MACROD2: variants seen among roughly 807,000 people sequenced by gnomAD.
MACROD2 encodes the protein ADP-ribose glycohydrolase MACROD2.
A neutral mutation model predicts 70.4 loss-of-function variants in MACROD2; 36 were observed. The observed-to-expected ratio is 0.51, with a 90% CI of 0.39 to 0.68. The LOEUF is 0.68. Ranked by LOEUF, MACROD2 falls within the 30% of genes least tolerant of loss-of-function variation. The probability of loss-of-function intolerance (pLI) is 0.00; values close to 1 mark genes in which losing one functional copy is unlikely to be tolerated. For missense variants in MACROD2, 496 were observed against 538.4 expected, an observed-to-expected ratio of 0.92 and a Z score of 0.78; for synonymous variants, 172 against 178.8, an observed-to-expected ratio of 0.96 and a Z score of 0.30.
At chr20:16,042,581 T>C (rs1266493037) in intron 16 of MACROD2, among the ~76,000 whole-genome samples, 1 of 152,060 alleles carries the variant, frequency 6.6e-6, no homozygotes, top group African/African-American at 2.4e-5. Context: ...ATGCTTTTTA[T>C]TGTACCATTT....
chr20:15,827,414 T>TAG (rs2064008937), intron 8 of MACROD2, among the ~76,000 whole-genome samples: 4 of 152,320 alleles, frequency 2.6e-5, no homozygotes, highest in African/African-American at 4.8e-5. Flanking sequence ...TGTACAAGTC[T>TAG]ACTCTTCATA....
chr20:14,240,017 T>C (rs1455819410), intron 3 of MACROD2, among the ~76,000 whole-genome samples: 1 of 152,120 alleles, frequency 6.6e-6, no homozygotes, highest in African/African-American at 2.4e-5. Flanking sequence ...CATGAAAAAG[T>C]GGGCAATGGA....
At chr20:15,128,581 T>A (rs2076083149) in intron 5 of MACROD2, among the ~76,000 whole-genome samples, 1 of 152,078 alleles carries the variant, frequency 6.6e-6, no homozygotes, top group Non-Finnish European at 1.5e-5. Context: ...TGATACAATT[T>A]TCCCCTAAAG....
chr20:14,498,194 G>GGGTGATA (rs1242918893), intron 4 of MACROD2, among the ~76,000 whole-genome samples: 7 of 151,622 alleles, frequency 4.6e-5, no homozygotes, highest in African/African-American at 1.7e-4. Flanking sequence ...ATTATAACCT[G>GGGTGATA]GGTGATAGGT....
chr20:14,120,250 G>A (rs1053644414), intron 3 of MACROD2, among the ~76,000 whole-genome samples: 4 of 144,810 alleles, frequency 2.8e-5, no homozygotes, highest in African/African-American at 1.0e-4. Context: ...AGACATTTAT[G>A]TGGCCAAAAA....
chr20:15,092,207 A>C, intron 5 of MACROD2, among the ~76,000 whole-genome samples: 1 of 152,042 alleles, frequency 6.6e-6, no homozygotes, highest in East Asian at 1.9e-4. Flanking sequence ...AATAGATATA[A>C]ATTAAAACTT....
intron 5 of MACROD2, among the ~76,000 whole-genome samples, chr20:14,875,604 C>G (rs1451002246): frequency 6.6e-6 from 1 of 151,976 alleles, no homozygotes; most frequent in Non-Finnish European, 1.5e-5. Flanking sequence ...GAGCTTAGTA[C>G]CCAATAGGTA....
At chr20:15,588,296 G>A (rs1372592558) in intron 8 of MACROD2, among the ~76,000 whole-genome samples, 1 of 152,190 alleles carries the variant, frequency 6.6e-6, no homozygotes, top group Non-Finnish European at 1.5e-5. Context: ...ACAGAATGGG[G>A]ATCCTGGGCC....
At chr20:14,946,158 C>T (rs2122719822) in intron 5 of MACROD2, among the ~76,000 whole-genome samples, 1 of 151,442 alleles carries the variant, frequency 6.6e-6, no homozygotes, top group Non-Finnish European at 1.5e-5. Context: ...AAGATTGTGC[C>T]ATTGCACTCC....
At chr20:14,193,369 G>T (rs2081403603) in intron 3 of MACROD2, among the ~76,000 whole-genome samples, 1 of 152,162 alleles carries the variant, frequency 6.6e-6, no homozygotes, top group East Asian at 1.9e-4. Context: ...ATGGGATGTG[G>T]ATTTGGGCCC....
At chr20:15,815,703 A>G (rs1022985330) in intron 8 of MACROD2, among the ~76,000 whole-genome samples, 2 of 152,196 alleles carry the variant, frequency 1.3e-5, no homozygotes, top group Non-Finnish European at 2.9e-5. Flanking sequence ...TGGAAAAATT[A>G]TCTCCTCAAT....
At chr20:14,555,753 G>T (rs1978988290) in intron 4 of MACROD2, among the ~76,000 whole-genome samples, 1 of 152,050 alleles carries the variant, frequency 6.6e-6, no homozygotes, top group Non-Finnish European at 1.5e-5. Flanking sequence ...GGGGGACGTT[G>T]TGCTCTAGCT....
intron 6 of MACROD2, among the ~76,000 whole-genome samples, chr20:15,312,323 AT>A (rs530300070): frequency 5.8e-4 from 89 of 152,316 alleles, no homozygotes; most frequent in Non-Finnish European, 1.2e-3. Flanking sequence ...TTTGGCTTTG[AT>A]TTTTAAAGTC....
rs186433812 is a variant in MACROD2 at position 14,759,456 on chromosome 20, G to A, written c.418+74497G>A. 2.0e-5 allele frequency among the ~76,000 whole-genome samples: 3 copies of A among 152,070 alleles called. No individual in the cohort carries two copies. The East Asian group carries it at 5.8e-4, about 29-fold the overall frequency. ...TATGCTTTATCTTCATATTCAAAGA[G>A]TTTTCAACATACAAAGAGATTCTAT... On this transcript the variant is annotated intron_variant, in intron 5 of 17. Coordinates refer to ENST00000684519, the MANE Select transcript of MACROD2 (RefSeq NM_001351661.2).
At position 15,567,993 on chromosome 20, in the gene MACROD2, T is replaced by A. The variant is rs146205994; in HGVS notation, c.645+68146T>A. 1.7e-3 allele frequency among the ~76,000 whole-genome samples: 266 copies of A among 152,312 alleles called. 1 individual carries two copies. Among genetic ancestry groups the A allele is most frequent in the Non-Finnish European group, 2.0e-3 (136 of 68,034 alleles). ...GCTAAATACGTCTGTGGGTCATCAG[T>A]TTGTGAATTCTGAAGGAGAATCCAA... is the stretch of plus-strand genomic sequence containing the variant. On this transcript the variant is annotated intron_variant, in intron 8 of 17. Transcript: ENST00000684519.
intron 3 of MACROD2, among the ~76,000 whole-genome samples, chr20:14,476,191 T>C (rs1051275777): frequency 1.3e-5 from 2 of 152,180 alleles, no homozygotes; most frequent in African/African-American, 4.8e-5. Flanking sequence ...TTTATTAGAA[T>C]TAAACTGTAG....
intron 13 of MACROD2, among the ~76,000 whole-genome samples, chr20:15,978,318 A>G (rs2147443661): frequency 6.6e-6 from 1 of 152,318 alleles, no homozygotes; most frequent in South Asian, 2.1e-4. Context: ...TCTAGGCACT[A>G]CAGCAAGGTC....
chr20:14,614,286 G>A (rs375138892), intron 4 of MACROD2, among the ~76,000 whole-genome samples: 17 of 152,154 alleles, frequency 1.1e-4, no homozygotes, highest in South Asian at 4.2e-4. Flanking sequence ...AGTTAACTTG[G>A]GGTAAGTGCT....
chr20:15,287,670 G>C (rs1285020759), intron 6 of MACROD2, among the ~76,000 whole-genome samples: 1 of 152,180 alleles, frequency 6.6e-6, no homozygotes, highest in Non-Finnish European at 1.5e-5. Flanking sequence ...AGAGAATAAA[G>C]GGGGCGTATG....
Sources: gnomAD v4.1 joint callset for allele counts (sites outside exome capture counted in the v4.1 genomes callset) on GRCh38, gnomAD v4.1.1 for gene constraint, MANE v1.5 for transcripts, NCBI Gene and HGNC (gene_info 2026-07-23, HGNC 2026-07-21) for gene names.